UNC80: variants seen among roughly 807,000 people sequenced by gnomAD.
The protein encoded by UNC80 is protein unc-80 homolog.
In UNC80, 164 loss-of-function variants were observed where a neutral mutation model predicts 384.6. That is an observed-to-expected ratio of 0.43 (90% CI 0.38 to 0.49). The LOEUF (loss-of-function observed/expected upper bound fraction) is 0.49. Ranked by LOEUF, UNC80 falls within the 20% of genes least tolerant of loss-of-function variation. UNC80 has a pLI of 0.00. For synonymous variants in UNC80, 1,486 were observed against 1,527.8 expected (o/e 0.97, Z 0.64); for missense variants, 3,330 against 4,143.0 (o/e 0.80, Z 5.39).
chr2:209,830,516 G>A (rs989283686), intron 15 of UNC80, among the ~76,000 whole-genome samples: 1 of 152,186 alleles, frequency 6.6e-6, no homozygotes, highest in Middle Eastern at 3.2e-3. Context: ...CATAGACAGT[G>A]AGAGGTTGGT....
chr2:209,887,845 A>T (rs981460122), intron 25 of UNC80, among the ~76,000 whole-genome samples: 1 of 152,220 alleles, frequency 6.6e-6, no homozygotes, highest in African/African-American at 2.4e-5. Flanking sequence ...GATTTGGATC[A>T]AGGCCTATGC....
chr2:209,933,989 G>T lies in UNC80; in HGVS notation c.6162G>T (p.Val2054=). The T allele has an allele frequency of 6.5e-7, 1 of 1,546,586 alleles. No individual in the cohort carries two copies. The highest frequency in any genetic ancestry group is 1.2e-5 in the South Asian group (1 of 83,414). Residue 2054 remains valine, a synonymous_variant, in exon 39 of 65, where the codon GTG becomes GTT. Transcript: ENST00000673920. ...KKEQCEVKLL[V]TASMPGTKTL... ...AGCAGTGTGAGGTGAAGCTCCTGGT[G>T]ACCGCTTCAATGCCAGGTAAGCCAC... is the stretch of plus-strand genomic sequence containing the variant.
In UNC80 at chr2:209,922,251, G is replaced by T; in HGVS notation, c.5531-1G>T. 1 of 1,551,988 alleles carries T rather than the reference G, an allele frequency of 6.4e-7. No homozygotes were observed. The highest frequency in any genetic ancestry group is 1.2e-5 in the South Asian group (1 of 84,030). Reference sequence around the variant, plus strand: ...TTCACATTCCCCATTTTGTTTGCCAGTAGAAGAAGTCACCAATCTGGCATC... The same window carrying T: ...TTCACATTCCCCATTTTGTTTGCCATTAGAAGAAGTCACCAATCTGGCATC... On this transcript the variant is annotated splice_acceptor_variant, in intron 34 of 64. Transcript: ENST00000673920. LOFTEE classifies it high-confidence loss of function.
At position 209,995,804 on chromosome 2, in the gene UNC80, G is replaced by GA. The variant is rs2093475192; in HGVS notation, c.*213dup. On this transcript the variant is annotated 3_prime_UTR_variant, in exon 65 of 65. Coordinates refer to ENST00000673920, the MANE Select transcript of UNC80 (RefSeq NM_001371986.1). ...AATGGCTAAAAGGATTTAGTTGTGT[G>GA]AAAATCACAAAACCAGGGAGGAATA... The GA allele has an allele frequency of 1.8e-6, 1 of 555,460 alleles. No homozygotes were observed. Among genetic ancestry groups the GA allele is most frequent in the Admixed American group, 3.4e-5 (1 of 29,160 alleles). 34.4% of individuals were successfully genotyped at this position (555,460 alleles called of 1,614,324 possible). A position where few individuals can be genotyped will look rare whatever the true frequency, so the allele number is the denominator to read the frequency against.
chr2:209,813,568 G>A lies in UNC80; in HGVS notation c.939-12G>A, dbSNP rs369925343. ...TTGTCAGTATAATTATCTTCTTTCT[G>A]CCATGGAACAGGGCCTCTCTTGTGA... On this transcript the variant is annotated splice_polypyrimidine_tract_variant and intron_variant, in intron 7 of 64. Coordinates refer to ENST00000673920, the MANE Select transcript of UNC80 (RefSeq NM_001371986.1). 5.6e-5 allele frequency: 86 copies of A among 1,546,888 alleles called. No individual in the cohort carries two copies. The African/African-American group carries it at 1.1e-3, about 20-fold the overall frequency.
intron 52 of UNC80, chr2:209,968,942 C>T (rs183553532): frequency 6.6e-6 from 1 of 152,276 alleles, no homozygotes; most frequent in Admixed American, 6.5e-5. Context: ...GTTGACTGAA[C>T]CTGACCTGCA....
At chr2:209,851,401 A>G (rs2124842082) in intron 22 of UNC80, among the ~76,000 whole-genome samples, 1 of 152,242 alleles carries the variant, frequency 6.6e-6, no homozygotes, top group East Asian at 1.9e-4. Context: ...TGGACTGTAT[A>G]TAATCGGGGA....
At chr2:209,899,214 T>C (rs756406323) in intron 28 of UNC80, among the ~76,000 whole-genome samples, 3 of 152,124 alleles carry the variant, frequency 2.0e-5, no homozygotes, top group Non-Finnish European at 2.9e-5. Context: ...TAAAAAAAAT[T>C]ATAGAGGTGC....
intron 52 of UNC80, 84 bp downstream of exon 52, chr2:209,967,721 G>T: frequency 7.3e-7 from 1 of 1,367,836 alleles, no homozygotes; most frequent in Non-Finnish European, 1.0e-6. Context: ...GATCATTCTG[G>T]AGTTGAATGG....
intron 23 of UNC80, among the ~76,000 whole-genome samples, chr2:209,873,768 A>T (rs577137151): frequency 4.7e-4 from 72 of 152,282 alleles, no homozygotes; most frequent in Middle Eastern, 3.4e-3. Context: ...ATTCAGCTGA[A>T]TGTGTCTACC....
chr2:209,954,139 T>G lies in UNC80; in HGVS notation c.7326T>G (p.Cys2442Trp). 6.4e-7 allele frequency: 1 copy of G among 1,550,976 alleles called. No individual in the cohort carries two copies. Among genetic ancestry groups the G allele is most frequent in the Non-Finnish European group, 8.7e-7 (1 of 1,146,902 alleles). Residue 2442 changes from cysteine to tryptophan, a missense_variant, in exon 48 of 65, where the codon TGT (cysteine) becomes TGG (tryptophan). Coordinates refer to ENST00000673920, the MANE Select transcript of UNC80 (RefSeq NM_001371986.1). ...MLMVLEALVPCYLQKLKRQTS... is the reference protein window; with the variant it reads ...MLMVLEALVPWYLQKLKRQTS... ...TGGTCTTAGAAGCCTTAGTTCCATGTTACCTACAAAAGCTAAAGAGGCAGA... is the reference window on the plus strand; with the variant it reads ...TGGTCTTAGAAGCCTTAGTTCCATGGTACCTACAAAAGCTAAAGAGGCAGA...
At chr2:209,909,298 T>C (rs73003389) in intron 29 of UNC80, among the ~76,000 whole-genome samples, 1,701 of 152,342 alleles carry the variant, frequency 0.011, 24 homozygotes, top group Middle Eastern at 0.075. Context: ...AACAGAAGAT[T>C]GAACTTGTTC....
At position 209,772,088 on chromosome 2, in the gene UNC80, A is replaced by G; in HGVS notation, c.16A>G (p.Ser6Gly). ...AGCCACCATTATGGTGAAGAGGAAGAGCTCCGAGGGCCAGGAGCAGGACGG... is the reference window on the plus strand; with the variant it reads ...AGCCACCATTATGGTGAAGAGGAAGGGCTCCGAGGGCCAGGAGCAGGACGG... Reference protein sequence around the residue: MVKRKSSEGQEQDGGR... With the variant: MVKRKGSEGQEQDGGR... The change falls in exon 1 of 65, where the codon AGC (serine) becomes GGC (glycine). Residue 6 changes from serine to glycine, a missense_variant. By Grantham distance (56) the Ser-to-Gly change is moderately conservative. Transcript: ENST00000673920. The G allele has an allele frequency of 6.5e-7, 1 of 1,549,234 alleles. No homozygotes were observed. The highest frequency in any genetic ancestry group is 8.7e-7 in the Non-Finnish European group (1 of 1,146,182).
chr2:209,817,249 T>G (rs2079806665), intron 10 of UNC80, 124 bp downstream of exon 10: 3 of 867,552 alleles, frequency 3.5e-6, no homozygotes, highest in Admixed American at 5.2e-5. Context: ...GGGCTCAAAT[T>G]CAGGTTCTCC....
chr2:209,927,272 A>G (rs1335593396), intron 36 of UNC80, among the ~76,000 whole-genome samples: 1 of 152,210 alleles, frequency 6.6e-6, no homozygotes, highest in Non-Finnish European at 1.5e-5. Flanking sequence ...ATTTAGCCAC[A>G]TAGAAATCAA....
chr2:209,793,213 T>C (rs1171532836), intron 6 of UNC80, among the ~76,000 whole-genome samples: 1 of 152,226 alleles, frequency 6.6e-6, no homozygotes, highest in Non-Finnish European at 1.5e-5. Context: ...GAATGTGTAC[T>C]TATAAATCAG....
chr2:209,938,291 C>T (rs930994686), intron 42 of UNC80, among the ~76,000 whole-genome samples: 2 of 152,168 alleles, frequency 1.3e-5, no homozygotes, highest in Non-Finnish European at 1.5e-5. Context: ...AAAAATGATA[C>T]AATTTTAATA....
chr2:209,823,705 T>C (rs139664474), intron 13 of UNC80, among the ~76,000 whole-genome samples: 1 of 151,810 alleles, frequency 6.6e-6, no homozygotes, highest in East Asian at 1.9e-4. Context: ...TAATAATTAG[T>C]TTTTCTATTA....
chr2:209,891,487 AT>A (rs927104931), intron 26 of UNC80, among the ~76,000 whole-genome samples: 9 of 152,080 alleles, frequency 5.9e-5, no homozygotes, highest in African/African-American at 2.2e-4. Flanking sequence ...TATATTTAAG[AT>A]AGTAGATAAT....
Sources: allele counts gnomAD v4.1 joint callset (sites outside exome capture counted in the v4.1 genomes callset), GRCh38; gene constraint gnomAD v4.1.1; transcripts MANE v1.5; gene names NCBI Gene and HGNC (gene_info 2026-07-23, HGNC 2026-07-21).